Variants in MCM9 observed in about 807,000 individuals in gnomAD.
MCM9 encodes minichromosome maintenance 9 homologous recombination repair factor.
In MCM9, 55 loss-of-function variants were observed where a neutral mutation model predicts 72.8. The observed-to-expected ratio is 0.76, with a 90% CI of 0.61 to 0.95. The LOEUF is 0.95. MCM9 is among the 40% of genes least tolerant of loss of function. The pLI, the probability that MCM9 is intolerant of heterozygous loss-of-function variation, is 0.00. For synonymous variants in MCM9, 480 were observed against 503.4 expected (o/e 0.95, Z 0.62); for missense variants, 1,279 against 1,377.0 (o/e 0.93, Z 1.13).
intron 8 of MCM9, among the ~76,000 whole-genome samples, chr6:118,899,434 A>G (rs906101804): frequency 6.6e-6 from 1 of 151,624 alleles, no homozygotes; most frequent in Non-Finnish European, 1.5e-5. Context: ...AGTGTGCCCT[A>G]CCCCTGGGCC....
chr6:118,915,651 C>G (rs1391723531), intron 6 of MCM9, among the ~76,000 whole-genome samples: 2 of 152,146 alleles, frequency 1.3e-5, no homozygotes, highest in Non-Finnish European at 2.9e-5. Flanking sequence ...CTGTTGGATA[C>G]AGCTTCCCAA....
chr6:118,864,018 A>G (rs1777064115), intron 8 of MCM9, among the ~76,000 whole-genome samples: 1 of 152,126 alleles, frequency 6.6e-6, no homozygotes, highest in African/African-American at 2.4e-5. Context: ...AAAAAAAAAA[A>G]AAGACCCAAC....
Position 118,931,586 on chromosome 6 carries a change from A to T in MCM9, c.138T>A (p.Thr46=), listed in dbSNP as rs1459824148. The part of the protein sequence containing the change: ...AHYPVVVNAM[T]LFETNMEIGE... ...CGATTTCCATGTTGGTCTCAAACAG[A>T]GTCATGGCATTAACCACAACTGGGT... Residue 46 remains threonine (T), a synonymous_variant, in exon 3 of 14, where the codon ACT becomes ACA. Transcript: ENST00000619706. 1 of 1,614,188 alleles carries T rather than the reference A, an allele frequency of 6.2e-7. No individual in the cohort carries two copies.
intron 9 of MCM9, among the ~76,000 whole-genome samples, chr6:118,836,277 G>C (rs556914211): frequency 6.6e-6 from 1 of 152,166 alleles, no homozygotes; most frequent in Non-Finnish European, 1.5e-5. Context: ...TTTTCTCATC[G>C]ATGTTCATCA....
At chr6:118,911,413 T>C in intron 8 of MCM9, 1 of 1,258,038 alleles carries the variant, frequency 7.9e-7, no homozygotes, top group Non-Finnish European at 1.0e-6. Context: ...AGGTAATCAC[T>C]AGAGAATGAG....
chr6:118,905,793 A>G, intron 8 of MCM9: 1 of 1,610,200 alleles, frequency 6.2e-7, no homozygotes, highest in Non-Finnish European at 8.5e-7. Context: ...GACAGAATTA[A>G]GGGAAAATCC....
chr6:118,840,729 T>TC (rs1775300437), intron 9 of MCM9, among the ~76,000 whole-genome samples: 2 of 126,752 alleles, frequency 1.6e-5, no homozygotes, highest in African/African-American at 3.0e-5. Flanking sequence ...ATATATTCTC[T>TC]CCTCCCCCCC....
At chr6:118,931,107 CT>C (rs1179263617) in intron 3 of MCM9, among the ~76,000 whole-genome samples, 1 of 152,144 alleles carries the variant, frequency 6.6e-6, no homozygotes, top group Non-Finnish European at 1.5e-5. Flanking sequence ...TTACCAGTTC[CT>C]TTATTGTTAG....
chr6:118,865,876 G>A (rs557458496), intron 8 of MCM9, among the ~76,000 whole-genome samples: 4 of 152,202 alleles, frequency 2.6e-5, no homozygotes, highest in African/African-American at 7.2e-5. Flanking sequence ...CATACAATGG[G>A]CCCACATCCA....
intron 13 of MCM9, among the ~76,000 whole-genome samples, chr6:118,820,285 T>C (rs1247515704): frequency 6.6e-6 from 1 of 152,240 alleles, no homozygotes; most frequent in African/African-American, 2.4e-5. Context: ...CTCTGAACAC[T>C]GCTTTAGCTG....
chr6:118,864,987 A>T (rs1477685377), intron 8 of MCM9, among the ~76,000 whole-genome samples: 1 of 152,182 alleles, frequency 6.6e-6, no homozygotes, highest in Non-Finnish European at 1.5e-5. Flanking sequence ...AGGCAGACAA[A>T]TATAGCTTGG....
At chr6:118,906,829 A>C (rs924416143) in intron 8 of MCM9, among the ~76,000 whole-genome samples, 1 of 152,198 alleles carries the variant, frequency 6.6e-6, no homozygotes, top group Non-Finnish European at 1.5e-5. Context: ...TGACAATAGA[A>C]TAGAATGTTC....
At chr6:118,825,537 C>T (rs1019112685) in intron 13 of MCM9, among the ~76,000 whole-genome samples, 1 of 152,156 alleles carries the variant, frequency 6.6e-6, no homozygotes, top group African/African-American at 2.4e-5. Context: ...GTAAGAGCTG[C>T]AGGTCAATTA....
intron 8 of MCM9, among the ~76,000 whole-genome samples, chr6:118,892,756 A>G (rs1779031240): frequency 6.6e-6 from 1 of 152,158 alleles, no homozygotes; most frequent in Non-Finnish European, 1.5e-5. Flanking sequence ...GTTTTTTGGT[A>G]GGTCCTATAT....
intron 8 of MCM9, among the ~76,000 whole-genome samples, chr6:118,898,484 G>A (rs531395279): frequency 6.6e-6 from 1 of 151,108 alleles, no homozygotes; most frequent in South Asian, 2.1e-4. Flanking sequence ...GAGTGCAGTG[G>A]CGCGATCTCG....
chr6:118,891,731 T>C (rs1261949082), intron 8 of MCM9, among the ~76,000 whole-genome samples: 1 of 152,194 alleles, frequency 6.6e-6, no homozygotes, highest in Non-Finnish European at 1.5e-5. Flanking sequence ...GGAGACATAA[T>C]TCAGTCTAAA....
At chr6:118,863,063 A>C (rs1043955639) in intron 8 of MCM9, among the ~76,000 whole-genome samples, 1 of 152,056 alleles carries the variant, frequency 6.6e-6, no homozygotes, top group Admixed American at 6.6e-5. Context: ...AGCATTAGAC[A>C]AAAAAAACCT....
At chr6:118,851,465 T>G (rs1776221191) in intron 9 of MCM9, among the ~76,000 whole-genome samples, 1 of 151,886 alleles carries the variant, frequency 6.6e-6, no homozygotes, top group African/African-American at 2.4e-5. Flanking sequence ...AAATATCTTT[T>G]AAAATGCATG....
chr6:118,906,746 A>G lies in MCM9; in HGVS notation c.1150+4904T>C, dbSNP rs561165393. ...ATTTTCTGATTTTTCACTGGGAACT[A>G]TAACAGTTTGGTAACTGGTGATTTT... On this transcript the variant is annotated intron_variant, in intron 8 of 13. Coordinates refer to ENST00000619706, the MANE Select transcript of MCM9 (RefSeq NM_017696.3). 2.7e-4 allele frequency among the ~76,000 whole-genome samples: 41 copies of G among 152,362 alleles called. 1 individual carries two copies. In the South Asian group the frequency reaches 8.3e-3, roughly 31 times the overall value.
Sources: gnomAD v4.1 joint callset for allele counts (sites outside exome capture counted in the v4.1 genomes callset) on GRCh38, gnomAD v4.1.1 for gene constraint, MANE v1.5 for transcripts, NCBI Gene and HGNC (gene_info 2026-07-23, HGNC 2026-07-21) for gene names.